CLDN18: variants seen among roughly 807,000 people sequenced by gnomAD.
The protein encoded by CLDN18 is claudin 18.
Under a neutral mutation model 25.0 loss-of-function variants are expected in CLDN18, and 20 were observed. The observed-to-expected ratio is 0.80, with a 90% CI of 0.56 to 1.16. CLDN18 has a LOEUF of 1.16. Among genes scored for constraint, CLDN18 ranks in the 50% most tolerant of loss-of-function variants. CLDN18 has a pLI of 0.00. For missense variants in CLDN18, 297 were observed against 345.4 expected (o/e 0.86, Z 1.11); for synonymous variants, 125 against 135.6 (o/e 0.92, Z 0.54).
At chr3:138,017,323 G>A (rs1281386406) in intron 1 of CLDN18, among the ~76,000 whole-genome samples, 1 of 152,082 alleles carries the variant, frequency 6.6e-6, no homozygotes, top group Non-Finnish European at 1.5e-5. Flanking sequence ...CCCCTTTGCA[G>A]GCACTGAGGG....
chr3:138,022,933 A>G (rs1254587741), intron 1 of CLDN18, among the ~76,000 whole-genome samples: 2 of 152,238 alleles, frequency 1.3e-5, no homozygotes, highest in Non-Finnish European at 2.9e-5. Context: ...CTTTGGATAT[A>G]TCTGGAGGTG....
chr3:138,001,838 A>T (rs1040495116), intron 1 of CLDN18, among the ~76,000 whole-genome samples: 2 of 152,160 alleles, frequency 1.3e-5, no homozygotes, highest in Non-Finnish European at 2.9e-5. Context: ...ATAACAATAG[A>T]CTTCAATTCC....
In CLDN18 at chr3:138,023,730, T is replaced by A. The variant is rs746093722; in HGVS notation, c.293T>A (p.Ile98Asn). The stretch of plus-strand genomic sequence containing the variant: ...GGTGCCATTGGCCTCCTGGTATCCA[T>A]CTTTGCCCTGAAATGCATCCGCATT... Reference protein sequence around the residue: ...VLGAIGLLVSIFALKCIRIGS... With the variant: ...VLGAIGLLVSNFALKCIRIGS... The change falls in exon 2 of 5, where the codon ATC becomes AAC. Residue 98 changes from isoleucine (I) to asparagine (N), a missense_variant. Transcript: ENST00000183605. The A allele has an allele frequency of 6.2e-6, 10 of 1,614,146 alleles. No individual in the cohort carries two copies.
chr3:138,030,367 G>A (rs1405858382), intron 4 of CLDN18, among the ~76,000 whole-genome samples: 1 of 152,232 alleles, frequency 6.6e-6, no homozygotes, highest in East Asian at 1.9e-4. Context: ...CGTCAACAGT[G>A]CTGCTGCTGA....
chr3:138,009,418 G>T (rs1942104056), upstream of CLDN18, among the ~76,000 whole-genome samples: 1 of 152,090 alleles, frequency 6.6e-6, no homozygotes, highest in Non-Finnish European at 1.5e-5. Context: ...AAATCAACGG[G>T]GTCCCTGGCT....
chr3:138,019,573 C>A (rs972111892), intron 1 of CLDN18, among the ~76,000 whole-genome samples: 2 of 152,230 alleles, frequency 1.3e-5, no homozygotes, highest in Non-Finnish European at 2.9e-5. Flanking sequence ...AACCCTCTTT[C>A]AGTCCAACTC....
In CLDN18 at chr3:138,032,987, C is replaced by G. The variant is rs1204637735; in HGVS notation, c.*1846C>G. 1 of 152,212 alleles carries G rather than the reference C, an allele frequency of 6.6e-6. No individual in the cohort carries two copies. The highest frequency in any genetic ancestry group is 1.5e-5 in the Non-Finnish European group (1 of 68,074). The allele number at this position is 152,212 out of a possible 1,614,324, so 9.4% of individuals were successfully genotyped here. A position where few individuals can be genotyped will look rare whatever the true frequency, so the allele number is the denominator to read the frequency against. On this transcript the variant is annotated 3_prime_UTR_variant, in exon 5 of 5. Coordinates refer to ENST00000183605, the MANE Select transcript of CLDN18 (RefSeq NM_016369.4). ...GTAAGAGCAGTCTCTAAAAACTACCCACAGCAGCATTGGTGCAGGGGAACT... is the reference window on the plus strand; with the variant it reads ...GTAAGAGCAGTCTCTAAAAACTACCGACAGCAGCATTGGTGCAGGGGAACT...
chr3:138,009,679 A>G (rs1942107841), upstream of CLDN18, among the ~76,000 whole-genome samples: 1 of 152,198 alleles, frequency 6.6e-6, no homozygotes, highest in Non-Finnish European at 1.5e-5. Context: ...AAATGGGGAT[A>G]ATAGTGCCTG....
intron 1 of CLDN18, among the ~76,000 whole-genome samples, chr3:138,017,720 T>A (rs1942223026): frequency 6.6e-6 from 1 of 152,192 alleles, no homozygotes; most frequent in Admixed American, 6.5e-5. Context: ...GGGGAGTCTA[T>A]TGGTTTTCAG....
rs774747197 is a variant in CLDN18 at position 138,023,659 on chromosome 3, C to T, written c.222C>T (p.Ala74=). ...TGTGTCTTGCCCCTTGTCCCACAGC[C>T]ATGCTGCAGGCAGTGCGAGCCCTGA... ...RPYFTILGLP[A]MLQAVRALMI... is the part of the protein sequence containing the mutation. The change falls in exon 2 of 5, where the codon GCC becomes GCT. Residue 74 remains alanine, a splice_region_variant and synonymous_variant. Transcript: ENST00000183605. 1.2e-6 allele frequency: 2 copies of T among 1,613,506 alleles called. No homozygotes were observed. The highest frequency in any genetic ancestry group is 1.7e-5 in the Admixed American group (1 of 60,006).
chr3:138,027,541 G>C (rs1020708326), intron 3 of CLDN18, among the ~76,000 whole-genome samples: 2 of 152,218 alleles, frequency 1.3e-5, no homozygotes, highest in African/African-American at 4.8e-5. Context: ...CATTGGAGAA[G>C]TTACTTAACC....
chr3:138,003,607 G>C (rs1402822094), intron 1 of CLDN18, among the ~76,000 whole-genome samples: 1 of 152,076 alleles, frequency 6.6e-6, no homozygotes, highest in Non-Finnish European at 1.5e-5. Flanking sequence ...AAATCAAAAT[G>C]AAAGAAGTTT....
Position 138,031,094 on chromosome 3 carries a change from A to C in CLDN18, c.739A>C (p.Thr247Pro). Reference sequence around the variant, plus strand: ...GAAGATATACGATGGAGGTGCCCGCACAGAGGACGAGGTACAATCTTATCC... The same window carrying C: ...GAAGATATACGATGGAGGTGCCCGCCCAGAGGACGAGGTACAATCTTATCC... ...NKKIYDGGARTEDEVQSYPSK... is the reference protein window; with the variant it reads ...NKKIYDGGARPEDEVQSYPSK... Residue 247 changes from threonine to proline, a missense_variant, in exon 5 of 5, where the codon ACA (threonine) becomes CCA (proline). Thr to Pro is a conservative substitution (Grantham distance 38, BLOSUM62 -1). Transcript: ENST00000183605. 1 of 1,614,106 alleles carries C rather than the reference A, an allele frequency of 6.2e-7. No individual in the cohort carries two copies. The highest frequency in any genetic ancestry group is 8.5e-7 in the Non-Finnish European group (1 of 1,180,024).
intron 4 of CLDN18, 58 bp from the exon 5 acceptor site, chr3:138,030,912 G>A: frequency 6.9e-7 from 1 of 1,453,904 alleles, no homozygotes; most frequent in Non-Finnish European, 9.5e-7. Context: ...TGGTAAATAG[G>A]AGGTTGGTCC....
At position 138,031,145 on chromosome 3, in the gene CLDN18, T is replaced by C. The variant is rs200380058; in HGVS notation, c.*4T>C. The C allele has an allele frequency of 3.8e-6, 6 of 1,596,186 alleles. No homozygotes were observed. Among genetic ancestry groups the C allele is most frequent in the South Asian group, 1.1e-5 (1 of 89,264 alleles). ...TTCCAAGCACGACTATGTGTAATGCTCTAAGACCTCTCAGCACGGGCGGAA... is the reference window on the plus strand; with the variant it reads ...TTCCAAGCACGACTATGTGTAATGCCCTAAGACCTCTCAGCACGGGCGGAA... On this transcript the variant is annotated 3_prime_UTR_variant, in exon 5 of 5. Coordinates refer to ENST00000183605, the MANE Select transcript of CLDN18 (RefSeq NM_016369.4).
chr3:138,012,686 G>A (rs186346008), intron 1 of CLDN18, among the ~76,000 whole-genome samples: 14 of 152,310 alleles, frequency 9.2e-5, no homozygotes, highest in East Asian at 3.9e-4. Context: ...TTCACCCCGC[G>A]TGACACTGCT....
chr3:138,030,880 G>A, intron 4 of CLDN18, 90 bp from the exon 5 acceptor site: 1 of 1,233,652 alleles, frequency 8.1e-7, no homozygotes, highest in African/African-American at 1.5e-5. Context: ...TGGACTTTCA[G>A]TGCCAAGACT....
At chr3:138,021,083 T>C (rs1043190679) in intron 1 of CLDN18, among the ~76,000 whole-genome samples, 5 of 152,158 alleles carry the variant, frequency 3.3e-5, no homozygotes, top group Admixed American at 2.0e-4. Flanking sequence ...AGGGGTTTTT[T>C]CCCCATGGAT....
rs1279963432 is a variant in CLDN18, at chr3:138,023,645, C to T, written c.221-13C>T. The stretch of plus-strand genomic sequence containing the variant: ...CTTATTTGTCTGCTTGTGTCTTGCC[C>T]CTTGTCCCACAGCCATGCTGCAGGC... On this transcript the variant is annotated splice_polypyrimidine_tract_variant and intron_variant, in intron 1 of 4. Coordinates refer to ENST00000183605, the MANE Select transcript of CLDN18 (RefSeq NM_016369.4). The T allele has an allele frequency of 1.2e-6, 2 of 1,612,206 alleles. No homozygotes were observed. Among genetic ancestry groups the T allele is most frequent in the African/African-American group, 2.7e-5 (2 of 74,858 alleles).
Sources: allele counts gnomAD v4.1 joint callset (sites outside exome capture counted in the v4.1 genomes callset), GRCh38; gene constraint gnomAD v4.1.1; transcripts MANE v1.5; gene names NCBI Gene and HGNC (gene_info 2026-07-23, HGNC 2026-07-21).